Variants in RARB observed in about 807,000 individuals in gnomAD.
RARB encodes the protein HBV-activated protein.
In RARB, 17 loss-of-function variants were observed where a neutral mutation model predicts 51.9. That is an observed-to-expected ratio of 0.33 (90% CI 0.22 to 0.49). RARB has a LOEUF of 0.49. RARB is among the 20% of genes least tolerant of loss of function. RARB has a pLI of 0.99. For synonymous variants in RARB, 215 were observed against 195.4 expected, an observed-to-expected ratio of 1.10 and a Z score of -0.84; for missense variants, 369 against 550.8, an observed-to-expected ratio of 0.67 and a Z score of 3.30.
intron 5 of RARB, among the ~76,000 whole-genome samples, chr3:25,307,562 AC>A (rs1704183733): frequency 6.6e-6 from 1 of 152,128 alleles, no homozygotes; most frequent in Admixed American, 6.5e-5. Context: ...TTATGCAAAA[AC>A]ATCTTCATTT....
At chr3:25,130,437 G>A (rs1699927355) in intron 3 of RARB, among the ~76,000 whole-genome samples, 1 of 152,032 alleles carries the variant, frequency 6.6e-6, no homozygotes, top group South Asian at 2.1e-4. Flanking sequence ...CTAAGGAGCT[G>A]TGTTCCTATA....
At chr3:25,179,311 A>G (rs980083706) in intron 5 of RARB, among the ~76,000 whole-genome samples, 1 of 152,126 alleles carries the variant, frequency 6.6e-6, no homozygotes, top group African/African-American at 2.4e-5. Context: ...TGTTTTAAGT[A>G]TATGCAGATT....
intron 1 of RARB, among the ~76,000 whole-genome samples, chr3:25,443,228 G>T (rs893296012): frequency 6.6e-6 from 1 of 152,116 alleles, no homozygotes; most frequent in African/African-American, 2.4e-5. Flanking sequence ...AACTTGGGAG[G>T]TTCAGTTTGG....
At chr3:25,430,507 T>C (rs138152397) in intron 1 of RARB, among the ~76,000 whole-genome samples, 4 of 152,308 alleles carry the variant, frequency 2.6e-5, no homozygotes, top group African/African-American at 9.6e-5. Flanking sequence ...TTAGACCTAA[T>C]AGAGTTTTTA....
chr3:24,837,703 A>C (rs1702362016), intron 1 of RARB, among the ~76,000 whole-genome samples: 1 of 152,196 alleles, frequency 6.6e-6, no homozygotes, highest in African/African-American at 2.4e-5. Flanking sequence ...ACAGATCGAA[A>C]ACTAGTACAG....
chr3:25,384,318 C>T (rs188107959), intron 5 of RARB, among the ~76,000 whole-genome samples: 16 of 152,282 alleles, frequency 1.1e-4, no homozygotes, highest in African/African-American at 3.8e-4. Flanking sequence ...CCCTCCCTCC[C>T]TCTCTCCTAA....
chr3:25,160,909 C>T (rs1424079460), intron 4 of RARB, among the ~76,000 whole-genome samples: 2 of 152,122 alleles, frequency 1.3e-5, no homozygotes, highest in Non-Finnish European at 2.9e-5. Context: ...CATCACATCA[C>T]CTTCTCCTCT....
chr3:25,039,292 GACCAA>G (rs1160832533), intron 2 of RARB, among the ~76,000 whole-genome samples: 1 of 152,186 alleles, frequency 6.6e-6, no homozygotes, highest in Non-Finnish European at 1.5e-5. Flanking sequence ...TTGTTGTTAA[GACCAA>G]ACCTCAGTGG....
chr3:24,987,524 T>G (rs1456361001), intron 2 of RARB, among the ~76,000 whole-genome samples: 1 of 152,246 alleles, frequency 6.6e-6, no homozygotes, highest in African/African-American at 2.4e-5. Context: ...GATGCAAAAC[T>G]GTTATATTAT....
intron 2 of RARB, among the ~76,000 whole-genome samples, chr3:24,929,673 A>G (rs912346941): frequency 1.3e-5 from 2 of 152,080 alleles, no homozygotes; most frequent in African/African-American, 4.8e-5. Flanking sequence ...TCTAGCAGCT[A>G]GGCTGTTAAA....
At chr3:24,921,884 G>C (rs1168607282) in intron 2 of RARB, among the ~76,000 whole-genome samples, 1 of 152,190 alleles carries the variant, frequency 6.6e-6, no homozygotes, top group Non-Finnish European at 1.5e-5. Context: ...CCTGATTCTA[G>C]GTTTAAGCAA....
chr3:25,204,668 G>A (rs556613457), intron 5 of RARB, among the ~76,000 whole-genome samples: 2 of 152,324 alleles, frequency 1.3e-5, no homozygotes, highest in South Asian at 4.1e-4. Context: ...CTGCAGGTCT[G>A]TTGGAGTTTG....
chr3:24,926,626 G>A lies in RARB; in HGVS notation c.-380+67874G>A, dbSNP rs146103396. On this transcript the variant is annotated intron_variant, in intron 2 of 11. Transcript: ENST00000383772. ...GAGGCTAATCGAGAAGCTGGGGGTG[G>A]CAAGGAGAAAGATGGGAAGTTGAGA... is the stretch of plus-strand genomic sequence containing the variant. Among the ~76,000 whole-genome samples, 610 of 152,114 alleles carry A rather than the reference G, an allele frequency of 4.0e-3. 5 individuals are homozygous for A. The highest frequency in any genetic ancestry group is 0.014 in the African/African-American group (577 of 41,514).
intron 3 of RARB, among the ~76,000 whole-genome samples, chr3:25,504,765 A>G (rs1697490338): frequency 7.2e-6 from 1 of 138,072 alleles, no homozygotes; most frequent in African/African-American, 2.9e-5. Context: ...GTATTACATT[A>G]ACCACTTTTT....
At chr3:25,211,532 C>T (rs1482459212) in intron 5 of RARB, among the ~76,000 whole-genome samples, 2 of 152,190 alleles carry the variant, frequency 1.3e-5, no homozygotes, top group African/African-American at 4.8e-5. Context: ...ATACATAGAA[C>T]ATTTTCTTGT....
Position 24,886,602 on chromosome 3 carries a change from G to A in RARB, c.-380+27850G>A, listed in dbSNP as rs543661755. On this transcript the variant is annotated intron_variant, in intron 2 of 11. Transcript: ENST00000383772. ...TGAGACCACAAGCACATGCCACCAC[G>A]CCTGGCTAATTTTAATTTTTGTAGA... is the stretch of plus-strand genomic sequence containing the variant. 1.6e-4 allele frequency among the ~76,000 whole-genome samples: 24 copies of A among 151,882 alleles called. 1 individual carries two copies. The South Asian group carries it at 2.5e-3, about 16-fold the overall frequency.
intron 3 of RARB, among the ~76,000 whole-genome samples, chr3:25,559,362 C>G (rs1700180342): frequency 6.6e-6 from 1 of 152,136 alleles, no homozygotes; most frequent in South Asian, 2.1e-4. Flanking sequence ...TTCCCTATGG[C>G]CCCACAGGCT....
In RARB at chr3:24,991,773, TC is replaced by T. The variant is rs1559425289; in HGVS notation, c.-379-68349del. ...CCATATGGAGGGTGTTTTTTTTTTT[TC>T]CCTCCCTGCTCCCCTTAACCTCCTT... On this transcript the variant is annotated intron_variant, in intron 2 of 11. Coordinates refer to the RARB transcript ENST00000383772. Among the ~76,000 whole-genome samples the T allele has an allele frequency of 2.0e-5, 3 of 151,804 alleles. 1 individual carries two copies. Among genetic ancestry groups the T allele is most frequent in the Non-Finnish European group, 2.9e-5 (2 of 67,858 alleles).
In RARB at chr3:25,328,981, C is replaced by T. The variant is rs578043439; in HGVS notation, c.179-132212C>T. ...GGTGGCAGCGAGGCTAGGGGAGGGG[C>T]GTCCACCATTGCTGAGGCTTGAGTA... On this transcript the variant is annotated intron_variant, in intron 5 of 11. Coordinates refer to the RARB transcript ENST00000383772. Among the ~76,000 whole-genome samples the T allele has an allele frequency of 2.0e-4, 30 of 152,262 alleles. 1 individual carries two copies. In the South Asian group the frequency reaches 4.6e-3, roughly 23 times the overall value.
Sources: allele counts gnomAD v4.1 joint callset (sites outside exome capture counted in the v4.1 genomes callset), GRCh38; gene constraint gnomAD v4.1.1; transcripts MANE v1.5; gene names NCBI Gene and HGNC (gene_info 2026-07-23, HGNC 2026-07-21).